HDAC9: variants seen among roughly 807,000 people sequenced by gnomAD.
HDAC9 encodes the protein histone deacetylase 9, also known as MEF-2 interacting transcription repressor (MITR) protein.
In HDAC9, 41 loss-of-function variants were observed where a neutral mutation model predicts 139.4. That is an observed-to-expected ratio of 0.29 (90% CI 0.23 to 0.38). HDAC9 has a LOEUF of 0.38. Ranked by LOEUF, HDAC9 falls within the 10% of genes least tolerant of loss-of-function variation. The pLI, the probability that HDAC9 is intolerant of heterozygous loss-of-function variation, is 1.00. For synonymous variants in HDAC9, 517 were observed against 476.2 expected, an observed-to-expected ratio of 1.09 and a Z score of -1.12; for missense variants, 1,147 against 1,297.0, an observed-to-expected ratio of 0.88 and a Z score of 1.78.
chr7:18,716,105 C>G (rs147569791), intron 12 of HDAC9, among the ~76,000 whole-genome samples: 1 of 152,188 alleles, frequency 6.6e-6, no homozygotes, highest in Non-Finnish European at 1.5e-5. Context: ...CTTATTCAAA[C>G]GAAACCTCTT....
chr7:18,483,185 A>G (rs1456439493), intron 1 of HDAC9, among the ~76,000 whole-genome samples: 1 of 152,230 alleles, frequency 6.6e-6, no homozygotes, highest in African/African-American at 2.4e-5. Context: ...AAGAAAGTCA[A>G]CTTTTGATTT....
At chr7:18,779,516 C>T (rs921392045) in intron 16 of HDAC9, among the ~76,000 whole-genome samples, 1 of 151,988 alleles carries the variant, frequency 6.6e-6, no homozygotes, top group African/African-American at 2.4e-5. Context: ...GACACCTAAG[C>T]GTCCACAAAA....
intron 1 of HDAC9, among the ~76,000 whole-genome samples, chr7:18,297,567 A>C (rs1798237626): frequency 6.6e-6 from 1 of 152,218 alleles, no homozygotes; most frequent in Non-Finnish European, 1.5e-5. Flanking sequence ...GAATTTTAAC[A>C]ACATGTTAAA....
chr7:18,759,229 C>T (rs1224980350), intron 14 of HDAC9, among the ~76,000 whole-genome samples: 3 of 152,066 alleles, frequency 2.0e-5, no homozygotes, highest in Non-Finnish European at 4.4e-5. Flanking sequence ...GTCCCCAAAC[C>T]CTGGGCCACG....
chr7:18,254,451 T>C (rs1303054307), intron 2 of HDAC9, among the ~76,000 whole-genome samples: 1 of 152,216 alleles, frequency 6.6e-6, no homozygotes, highest in African/African-American at 2.4e-5. Context: ...GAAATATTAA[T>C]TGCTAAACAA....
chr7:18,861,215 A>G (rs1000055209), intron 21 of HDAC9, among the ~76,000 whole-genome samples: 1 of 152,192 alleles, frequency 6.6e-6, no homozygotes, highest in Non-Finnish European at 1.5e-5. Context: ...ATTACATTCT[A>G]CATTTCTCAG....
chr7:18,812,355 G>C (rs111884617), intron 17 of HDAC9, among the ~76,000 whole-genome samples: 1 of 151,898 alleles, frequency 6.6e-6, no homozygotes, highest in Admixed American at 6.6e-5. Context: ...AACATCGCTT[G>C]CACCACTGTT....
At chr7:18,629,661 G>A (rs763190325) in intron 7 of HDAC9, among the ~76,000 whole-genome samples, 180 bp downstream of exon 7, 1 of 152,142 alleles carries the variant, frequency 6.6e-6, no homozygotes, top group Non-Finnish European at 1.5e-5. Context: ...CACCAACTGT[G>A]TTAAACAGGA....
intron 13 of HDAC9, among the ~76,000 whole-genome samples, chr7:18,733,266 A>G (rs1584938908): frequency 7.1e-6 from 1 of 141,498 alleles, no homozygotes; most frequent in Non-Finnish European, 1.5e-5. Flanking sequence ...ATGTATATAT[A>G]CACAGGTATA....
chr7:18,136,600 G>C (rs980848505), intron 1 of HDAC9, among the ~76,000 whole-genome samples: 1 of 152,184 alleles, frequency 6.6e-6, no homozygotes, highest in East Asian at 1.9e-4. Context: ...GTTTGTCAAA[G>C]ATCAGATAGC....
intron 22 of HDAC9, among the ~76,000 whole-genome samples, chr7:18,901,213 T>TACACAC (rs1164468120): frequency 5.4e-5 from 7 of 128,824 alleles, no homozygotes; most frequent in African/African-American, 2.3e-4. Context: ...TATACATATA[T>TACACAC]ATATATATAC....
chr7:18,139,799 G>A (rs1041963245), intron 1 of HDAC9, among the ~76,000 whole-genome samples: 7 of 152,136 alleles, frequency 4.6e-5, no homozygotes, highest in Admixed American at 2.6e-4. Context: ...TATTTAATAC[G>A]TACAGAAGGG....
intron 2 of HDAC9, among the ~76,000 whole-genome samples, chr7:18,549,052 A>G (rs1244125975): frequency 6.6e-6 from 1 of 152,130 alleles, no homozygotes; most frequent in East Asian, 1.9e-4. Flanking sequence ...ATCCTGACCA[A>G]TATGGTGAAA....
chr7:18,450,261 A>G (rs189266586), intron 1 of HDAC9, among the ~76,000 whole-genome samples: 173 of 152,364 alleles, frequency 1.1e-3, no homozygotes, highest in African/African-American at 4.1e-3. Context: ...TAAATGGTAC[A>G]TAACAGTGCC....
At chr7:18,743,584 G>T (rs3852249) in intron 13 of HDAC9, among the ~76,000 whole-genome samples, 46,027 of 148,704 alleles carry the variant, frequency 0.31, 8,055 homozygotes, top group Non-Finnish European at 0.4. Flanking sequence ...TCCAGCCTGG[G>T]CAACAGAGTG....
chr7:18,406,077 A>G (rs192362749), intron 1 of HDAC9, among the ~76,000 whole-genome samples: 1 of 152,352 alleles, frequency 6.6e-6, no homozygotes, highest in South Asian at 2.1e-4. Context: ...TTGTACAATT[A>G]TGTTACCTAC....
chr7:18,845,301 A>T (rs555075451), intron 21 of HDAC9, among the ~76,000 whole-genome samples: 2 of 152,230 alleles, frequency 1.3e-5, no homozygotes, highest in East Asian at 3.9e-4. Context: ...GGGGAGAGAG[A>T]GGGTGAGTCT....
intron 1 of HDAC9, among the ~76,000 whole-genome samples, chr7:18,489,630 G>A (rs1266427041): frequency 1.3e-5 from 2 of 151,970 alleles, no homozygotes; most frequent in African/African-American, 2.4e-5. Context: ...AGTAGGGCCT[G>A]TCTCATTCTT....
intron 25 of HDAC9, among the ~76,000 whole-genome samples, chr7:18,980,745 C>CTTCTT (rs1291935441): frequency 6.1e-5 from 2 of 32,680 alleles, no homozygotes; most frequent in East Asian, 4.9e-3. Flanking sequence ...TCTTCTTCTT[C>CTTCTT]CTTCTTCTTC....
Sources: gnomAD v4.1 joint callset for allele counts (sites outside exome capture counted in the v4.1 genomes callset) on GRCh38, gnomAD v4.1.1 for gene constraint, MANE v1.5 for transcripts, NCBI Gene and HGNC (gene_info 2026-07-23, HGNC 2026-07-21) for gene names.